PTPRM: variants seen among roughly 807,000 people sequenced by gnomAD.
The protein encoded by PTPRM is receptor-type tyrosine-protein phosphatase mu.
In PTPRM, 47 loss-of-function variants were observed where a neutral mutation model predicts 186.7. The ratio of observed to expected loss-of-function variants is 0.25; its 90% CI spans 0.20 to 0.32. The LOEUF is 0.32. Ranked by LOEUF, PTPRM falls within the 10% of genes least tolerant of loss-of-function variation. The probability of loss-of-function intolerance (pLI) is 1.00; values close to 1 mark genes in which losing one functional copy is unlikely to be tolerated. For missense variants in PTPRM, 1,494 were observed against 1,865.0 expected (o/e 0.80, Z 3.66); for synonymous variants, 668 against 674.9 (o/e 0.99, Z 0.16).
At chr18:7,660,060 G>T (rs562485092) in intron 1 of PTPRM, among the ~76,000 whole-genome samples, 2 of 152,258 alleles carry the variant, frequency 1.3e-5, no homozygotes, top group Non-Finnish European at 2.9e-5. Context: ...GCATTTTCTG[G>T]CTGGGTGCAG....
At chr18:7,741,328 C>T (rs939140055) in intron 1 of PTPRM, 2 of 152,110 alleles carry the variant, frequency 1.3e-5, no homozygotes, top group Admixed American at 6.5e-5. Flanking sequence ...GGTCTGTAGC[C>T]GGAAGGTGAC....
chr18:7,839,477 A>G (rs1401183773), intron 2 of PTPRM, among the ~76,000 whole-genome samples: 2 of 152,154 alleles, frequency 1.3e-5, no homozygotes, highest in African/African-American at 4.8e-5. Flanking sequence ...GTGTCTAGCA[A>G]TGTCATCTGG....
intron 19 of PTPRM, among the ~76,000 whole-genome samples, chr18:8,288,223 ATATTCT>A (rs1352357205): frequency 6.6e-6 from 1 of 152,200 alleles, no homozygotes; most frequent in African/African-American, 2.4e-5. Flanking sequence ...AACTGATGAA[ATATTCT>A]TGTGATGAGC....
intron 7 of PTPRM, among the ~76,000 whole-genome samples, chr18:8,020,317 A>G (rs1420799377): frequency 1.3e-5 from 2 of 152,122 alleles, no homozygotes; most frequent in Non-Finnish European, 2.9e-5. Flanking sequence ...GTGGACTCGC[A>G]GGTCAGTATG....
chr18:7,919,640 T>C (rs577799637), intron 4 of PTPRM, among the ~76,000 whole-genome samples: 36 of 152,318 alleles, frequency 2.4e-4, no homozygotes, highest in African/African-American at 6.3e-4. Flanking sequence ...AGATATGTTC[T>C]GTTCTGGATA....
chr18:8,066,025 C>G (rs2148410175), intron 7 of PTPRM, among the ~76,000 whole-genome samples: 1 of 152,192 alleles, frequency 6.6e-6, no homozygotes. Context: ...TAGTAGCACA[C>G]TAATGGAAAT....
Position 8,309,258 on chromosome 18 carries a change from A to G in PTPRM, c.2843-5523A>G, listed in dbSNP as rs1324470276. Reference sequence around the variant, plus strand: ...ATTGTTTCCCAAAGTGATTGTACTAATTTTCATTTCCACCAGCAGAATCTG... The same window carrying G: ...ATTGTTTCCCAAAGTGATTGTACTAGTTTTCATTTCCACCAGCAGAATCTG... On this transcript the variant is annotated intron_variant, in intron 20 of 32. Coordinates refer to ENST00000580170, the MANE Select transcript of PTPRM (RefSeq NM_001105244.2). Among the ~76,000 whole-genome samples, 3 of 152,204 alleles carry G rather than the reference A, an allele frequency of 2.0e-5. No individual in the cohort carries two copies. The East Asian group carries it at 5.8e-4, about 29-fold the overall frequency.
chr18:8,203,778 A>G (rs971017877), intron 14 of PTPRM, among the ~76,000 whole-genome samples: 1 of 152,228 alleles, frequency 6.6e-6, no homozygotes, highest in East Asian at 1.9e-4. Context: ...ATAGTGAAAA[A>G]TAGAAGTTGC....
At chr18:7,682,278 A>G (rs1265709830) in intron 1 of PTPRM, among the ~76,000 whole-genome samples, 1 of 152,242 alleles carries the variant, frequency 6.6e-6, no homozygotes, top group Non-Finnish European at 1.5e-5. Flanking sequence ...AAATAAAGCT[A>G]TTTCAAGGGA....
At chr18:8,039,852 T>G (rs1376549552) in intron 7 of PTPRM, among the ~76,000 whole-genome samples, 1 of 152,188 alleles carries the variant, frequency 6.6e-6, no homozygotes, top group East Asian at 1.9e-4. Flanking sequence ...TAGATAAGGC[T>G]GGAGAAGTTC....
intron 1 of PTPRM, among the ~76,000 whole-genome samples, chr18:7,604,311 C>G (rs546412887): frequency 6.6e-6 from 1 of 152,340 alleles, no homozygotes; most frequent in African/African-American, 2.4e-5. Context: ...ATGCCAGATG[C>G]AGGAGGTAAG....
At position 8,070,488 on chromosome 18, in the gene PTPRM, A is replaced by G. The variant is rs1186300521; in HGVS notation, c.1441+494A>G. 3.3e-5 allele frequency among the ~76,000 whole-genome samples: 5 copies of G among 152,352 alleles called. No homozygotes were observed. The South Asian group carries it at 8.3e-4, about 25-fold the overall frequency. On this transcript the variant is annotated intron_variant, in intron 8 of 32. Coordinates refer to ENST00000580170, the MANE Select transcript of PTPRM (RefSeq NM_001105244.2). ...CTTGAGAAACTGTAAGTTGGTGGTC[A>G]TGAAACAGGTCATTTTTCTCCACAG...
chr18:7,671,158 T>C (rs1598341615), intron 1 of PTPRM, among the ~76,000 whole-genome samples: 1 of 152,202 alleles, frequency 6.6e-6, no homozygotes, highest in East Asian at 1.9e-4. Flanking sequence ...TGCACCTCCT[T>C]GTGCTGTTTT....
chr18:8,394,801 A>G (rs1265376395), intron 32 of PTPRM, among the ~76,000 whole-genome samples, 190 bp downstream of exon 32: 3 of 152,166 alleles, frequency 2.0e-5, no homozygotes, highest in Non-Finnish European at 4.4e-5. Flanking sequence ...TGTTCTTCAC[A>G]CGGAGACTTT....
At chr18:7,954,269 T>A (rs1336228680) in intron 6 of PTPRM, among the ~76,000 whole-genome samples, 1 of 152,178 alleles carries the variant, frequency 6.6e-6, no homozygotes, top group African/African-American at 2.4e-5. Context: ...TGCTAGTGAT[T>A]TCTTAGTTTT....
chr18:8,286,969 C>T (rs2094963639), intron 19 of PTPRM, among the ~76,000 whole-genome samples: 1 of 146,740 alleles, frequency 6.8e-6, no homozygotes, highest in Non-Finnish European at 1.5e-5. Context: ...CCTGTCATCT[C>T]TTAAAAAAAA....
intron 1 of PTPRM, among the ~76,000 whole-genome samples, chr18:7,633,321 G>A (rs952670743): frequency 1.3e-5 from 2 of 152,130 alleles, no homozygotes; most frequent in African/African-American, 2.4e-5. Context: ...TTCTGTGGTC[G>A]TGTTACCTAA....
intron 14 of PTPRM, among the ~76,000 whole-genome samples, chr18:8,238,762 G>A (rs1462158269): frequency 6.7e-6 from 1 of 149,868 alleles, no homozygotes; most frequent in African/African-American, 2.5e-5. Context: ...AGGTGTGGGG[G>A]GAGGGGAGGC....
At chr18:8,292,087 GCA>G (rs1275062141) in intron 19 of PTPRM, among the ~76,000 whole-genome samples, 1 of 152,174 alleles carries the variant, frequency 6.6e-6, no homozygotes, top group Non-Finnish European at 1.5e-5. Flanking sequence ...GCAACCAGGG[GCA>G]CACAGTCTGA....
Sources: gnomAD v4.1 joint callset for allele counts (sites outside exome capture counted in the v4.1 genomes callset) on GRCh38, gnomAD v4.1.1 for gene constraint, MANE v1.5 for transcripts, NCBI Gene and HGNC (gene_info 2026-07-23, HGNC 2026-07-21) for gene names.